Variants in DCAF5 observed in about 807,000 individuals in gnomAD.
DCAF5 encodes the protein DDB1 and CUL4 associated factor 5, also known as DDB1- and CUL4-associated factor 5.
In DCAF5, 9 loss-of-function variants were observed where a neutral mutation model predicts 80.7. The observed-to-expected ratio is 0.11, with a 90% CI of 0.07 to 0.19. The LOEUF (loss-of-function observed/expected upper bound fraction) is 0.19. Ranked by LOEUF, DCAF5 falls within the 10% of genes least tolerant of loss-of-function variation. DCAF5 has a pLI of 1.00. For synonymous variants in DCAF5, 433 were observed against 461.9 expected, an observed-to-expected ratio of 0.94 and a Z score of 0.80; for missense variants, 842 against 1,205.7, an observed-to-expected ratio of 0.70 and a Z score of 4.47.
intron 1 of DCAF5, among the ~76,000 whole-genome samples, chr14:69,141,139 T>TTAAAAA (rs34483517): frequency 1.7e-5 from 1 of 59,380 alleles, no homozygotes; most frequent in African/African-American, 5.4e-5. Flanking sequence ...ATCTCAAATT[T>TTAAAAA]AAAAAAAAAA....
chr14:69,087,972 A>G (rs1033508391), intron 6 of DCAF5, among the ~76,000 whole-genome samples: 1 of 152,242 alleles, frequency 6.6e-6, no homozygotes, highest in Non-Finnish European at 1.5e-5. Flanking sequence ...TCTATACAAT[A>G]AAGTATGAAT....
In DCAF5 at chr14:69,075,817, CA is replaced by C. The variant is rs752001858; in HGVS notation, c.880-407del. ...CTGATTTTTAATATATCTATCTGTA[CA>C]GAGATTTCCTTTAAATAAACAAGAT... is the stretch of plus-strand genomic sequence containing the variant. On this transcript the variant is annotated intron_variant, in intron 6 of 8. Coordinates refer to ENST00000341516, the MANE Select transcript of DCAF5 (RefSeq NM_003861.3). 9.9e-5 allele frequency among the ~76,000 whole-genome samples: 15 copies of C among 152,218 alleles called. No homozygotes were observed. In the East Asian group the frequency reaches 1.2e-3, roughly 12 times the overall value.
At position 69,091,654 on chromosome 14, in the gene DCAF5, A is replaced by G. The variant is rs2039537810; in HGVS notation, c.879+20T>C. On this transcript the variant is annotated intron_variant, in intron 6 of 8. Coordinates refer to ENST00000341516, the MANE Select transcript of DCAF5 (RefSeq NM_003861.3). ...AAAGAAAAGCATAAGTGTGAGATGC[A>G]GGAGGCAGACAGCATTTACCTGGTC... is the stretch of plus-strand genomic sequence containing the variant. 1 of 1,604,212 alleles carries G rather than the reference A, an allele frequency of 6.2e-7. No individual in the cohort carries two copies. The highest frequency in any genetic ancestry group is 8.5e-7 in the Non-Finnish European group (1 of 1,171,284).
chr14:69,152,650 G>C lies in DCAF5; in HGVS notation c.214+115C>G. The C allele has an allele frequency of 2.8e-6, 2 of 722,422 alleles. No homozygotes were observed. The highest frequency in any genetic ancestry group is 2.3e-6 in the Non-Finnish European group (1 of 439,790). 44.8% of individuals were successfully genotyped at this position (722,422 alleles called of 1,614,324 possible). On this transcript the variant is annotated intron_variant, in intron 1 of 8. Transcript: ENST00000341516. The surrounding 1 kb of genome is among the most constrained non-coding windows in gnomAD (Gnocchi z 4.1). ...CCAAACCTTCCCACCGCAGAAGGGG[G>C]TAGAGAAAGGGAGGGGGTGGGGACA... is the stretch of plus-strand genomic sequence containing the variant.
At chr14:69,150,160 G>A (rs764537617) in intron 1 of DCAF5, among the ~76,000 whole-genome samples, 1 of 152,158 alleles carries the variant, frequency 6.6e-6, no homozygotes, top group Non-Finnish European at 1.5e-5. Flanking sequence ...ATGGAGGAGC[G>A]ATGGAATAGC....
At chr14:69,142,112 T>G (rs1198883288) in intron 1 of DCAF5, among the ~76,000 whole-genome samples, 2 of 151,990 alleles carry the variant, frequency 1.3e-5, no homozygotes, top group Non-Finnish European at 2.9e-5. Context: ...CTGGGCAAAA[T>G]AGTGAGATCC....
chr14:69,078,182 G>A (rs1403507034), intron 6 of DCAF5, among the ~76,000 whole-genome samples: 1 of 151,968 alleles, frequency 6.6e-6, no homozygotes, highest in Non-Finnish European at 1.5e-5. Flanking sequence ...CAACAACAAA[G>A]AAAAAACAAC....
chr14:69,064,630 T>C (rs187836136), intron 7 of DCAF5, among the ~76,000 whole-genome samples: 42 of 152,320 alleles, frequency 2.8e-4, no homozygotes, highest in Middle Eastern at 3.4e-3. Context: ...TTTCAGGCAG[T>C]TATTAGATAG....
chr14:69,134,673 C>T (rs1274842572), intron 1 of DCAF5, among the ~76,000 whole-genome samples: 2 of 152,140 alleles, frequency 1.3e-5, no homozygotes, highest in Non-Finnish European at 2.9e-5. Context: ...ACAAAATGGC[C>T]AAAACATTAA....
chr14:69,119,294 T>C lies in DCAF5; in HGVS notation c.359-64A>G, dbSNP rs1351196660. On this transcript the variant is annotated intron_variant, in intron 2 of 8. Coordinates refer to ENST00000341516, the MANE Select transcript of DCAF5 (RefSeq NM_003861.3). ...AGGTGGTCCCTGTCCACATTACAATTTAGTATTTTTAAGTTTTCAGGGAAA... is the reference window on the plus strand; with the variant it reads ...AGGTGGTCCCTGTCCACATTACAATCTAGTATTTTTAAGTTTTCAGGGAAA... 2.6e-6 allele frequency: 4 copies of C among 1,547,114 alleles called. No individual in the cohort carries two copies. The East Asian group carries it at 9.1e-5, about 35-fold the overall frequency.
At chr14:69,149,693 A>G (rs897881412) in intron 1 of DCAF5, among the ~76,000 whole-genome samples, 1 of 152,236 alleles carries the variant, frequency 6.6e-6, no homozygotes, top group African/African-American at 2.4e-5. Flanking sequence ...ACAATCTATC[A>G]TTTTAATCAC....
At chr14:69,127,696 C>A (rs1162424534) in intron 1 of DCAF5, among the ~76,000 whole-genome samples, 1 of 152,102 alleles carries the variant, frequency 6.6e-6, no homozygotes, top group Non-Finnish European at 1.5e-5. Flanking sequence ...ACAAATTTAC[C>A]ACTCTGGTGG....
chr14:69,121,774 C>G (rs2040726455), intron 2 of DCAF5, among the ~76,000 whole-genome samples: 1 of 151,984 alleles, frequency 6.6e-6, no homozygotes, highest in Non-Finnish European at 1.5e-5. Context: ...CCAATTGTAC[C>G]CTAACACAAC....
intron 5 of DCAF5, among the ~76,000 whole-genome samples, chr14:69,101,993 T>G (rs1411339352): frequency 6.6e-6 from 1 of 152,154 alleles, no homozygotes; most frequent in East Asian, 1.9e-4. Flanking sequence ...TGTGAAGGCC[T>G]AGGACATTAC....
At chr14:69,078,688 CTAGAG>C (rs1235911501) in intron 6 of DCAF5, among the ~76,000 whole-genome samples, 1 of 152,152 alleles carries the variant, frequency 6.6e-6, no homozygotes, top group East Asian at 1.9e-4. Flanking sequence ...TATGATCCTA[CTAGAG>C]TAGTCATGAA....
rs543236966 is a variant in DCAF5, at chr14:69,118,449, T to TA, written c.396-172dup. On this transcript the variant is annotated intron_variant, in intron 3 of 8. Transcript: ENST00000341516. This position sits in a 1 kb window ranked among gnomAD's most constrained non-coding sequence, Gnocchi z 4.0. Reference sequence around the variant, plus strand: ...AAAGGTAGGTAGTCAACTTTCAGGTTAAAAAAAAGGTACTATTAAGGAGTC... The same window carrying TA: ...AAAGGTAGGTAGTCAACTTTCAGGTTAAAAAAAAAGGTACTATTAAGGAGTC... Among the ~76,000 whole-genome samples, 584 of 151,968 alleles carry TA rather than the reference T, an allele frequency of 3.8e-3. 5 individuals carry two copies. Among genetic ancestry groups the TA allele is most frequent in the African/African-American group, 0.014 (560 of 41,470 alleles).
chr14:69,099,251 A>AAC (rs60913200), intron 5 of DCAF5, among the ~76,000 whole-genome samples: 38,576 of 123,814 alleles, frequency 0.31, 6,552 homozygotes, highest in East Asian at 0.4. Flanking sequence ...ACTCTGTCTC[A>AAC]ACACACACAC....
At chr14:69,088,471 G>A (rs1441302585) in intron 6 of DCAF5, among the ~76,000 whole-genome samples, 1 of 152,200 alleles carries the variant, frequency 6.6e-6, no homozygotes, top group Non-Finnish European at 1.5e-5. Flanking sequence ...CTAATTTCTT[G>A]AAATGTTAAT....
At chr14:69,091,596 A>C in intron 6 of DCAF5, 78 bp downstream of exon 6, 1 of 1,303,738 alleles carries the variant, frequency 7.7e-7, no homozygotes, top group African/African-American at 1.5e-5. Flanking sequence ...AATGGTAATG[A>C]GAAATAAAGA....
Sources: gnomAD v4.1 joint callset for allele counts (sites outside exome capture counted in the v4.1 genomes callset) on GRCh38, gnomAD v4.1.1 for gene constraint, Gnocchi (gnomAD v3.1) non-coding constraint, MANE v1.5 for transcripts, NCBI Gene and HGNC (gene_info 2026-07-23, HGNC 2026-07-21) for gene names.